MOV10L1: variants seen among roughly 807,000 people sequenced by gnomAD.
MOV10L1 encodes the protein Mov10 like RNA helicase 1.
MOV10L1 carries 110 observed loss-of-function variants against 143.8 expected under a neutral mutation model. The ratio of observed to expected loss-of-function variants is 0.76; its 90% CI spans 0.66 to 0.90. The LOEUF is 0.90. Ranked by LOEUF, MOV10L1 falls within the 40% of genes least tolerant of loss-of-function variation. The pLI, the probability that MOV10L1 is intolerant of heterozygous loss-of-function variation, is 0.00. For missense variants in MOV10L1, 1,406 were observed against 1,526.8 expected, an observed-to-expected ratio of 0.92 and a Z score of 1.32; for synonymous variants, 593 against 581.1, an observed-to-expected ratio of 1.02 and a Z score of -0.29.
At chr22:50,122,573 C>G (rs1462020720) in intron 10 of MOV10L1, among the ~76,000 whole-genome samples, 1 of 152,130 alleles carries the variant, frequency 6.6e-6, no homozygotes, top group African/African-American at 2.4e-5. Context: ...GCTAGAACTT[C>G]TAGTACCATG....
At chr22:50,126,449 C>G (rs987095357) in intron 12 of MOV10L1, among the ~76,000 whole-genome samples, 177 bp downstream of exon 12, 7 of 152,158 alleles carry the variant, frequency 4.6e-5, no homozygotes, top group African/African-American at 1.7e-4. Flanking sequence ...AAACTTAATA[C>G]TATAATTTTC....
intron 15 of MOV10L1, among the ~76,000 whole-genome samples, chr22:50,137,012 A>G (rs1289918286): frequency 6.6e-6 from 1 of 152,248 alleles, no homozygotes; most frequent in Admixed American, 6.5e-5. Flanking sequence ...AAAGTATGAT[A>G]GCCTCAAAAG....
At chr22:50,114,680 TGTGA>T (rs2062120016) in intron 7 of MOV10L1, 58 bp downstream of exon 7, 97 of 1,594,940 alleles carry the variant, frequency 6.1e-5, no homozygotes, top group Non-Finnish European at 8.1e-5. Context: ...GCCGTGGGGT[TGTGA>T]GTTCTGGACA....
intron 3 of MOV10L1, 57 bp from the exon 4 acceptor site, chr22:50,108,079 C>T: frequency 6.8e-7 from 1 of 1,479,982 alleles, no homozygotes; most frequent in East Asian, 2.3e-5. Flanking sequence ...TGCACCATGA[C>T]CTCAGAATAA....
At chr22:50,106,748 C>G (rs2147094590) in intron 3 of MOV10L1, among the ~76,000 whole-genome samples, 1 of 141,428 alleles carries the variant, frequency 7.1e-6, no homozygotes, top group East Asian at 2.1e-4. Context: ...GTTGCCTAGG[C>G]TGGAGTGCAG....
intron 5 of MOV10L1, among the ~76,000 whole-genome samples, chr22:50,111,422 A>T (rs772658358): frequency 6.7e-6 from 1 of 148,690 alleles, no homozygotes; most frequent in African/African-American, 2.5e-5. Context: ...AGCTTCTTTC[A>T]TGACAGCTTC....
chr22:50,144,639 T>G (rs867460078), intron 18 of MOV10L1, among the ~76,000 whole-genome samples: 1 of 152,040 alleles, frequency 6.6e-6, no homozygotes, highest in Admixed American at 6.5e-5. Flanking sequence ...TGAAGTGCAG[T>G]GGCATGATCT....
intron 15 of MOV10L1, among the ~76,000 whole-genome samples, chr22:50,139,485 G>A (rs1017444829): frequency 6.6e-6 from 1 of 151,804 alleles, no homozygotes; most frequent in African/African-American, 2.4e-5. Context: ...ACTGAGGCTG[G>A]AGGATCTCTT....
At chr22:50,153,603 T>G (rs1223256533) in intron 22 of MOV10L1, among the ~76,000 whole-genome samples, 1 of 151,986 alleles carries the variant, frequency 6.6e-6, no homozygotes, top group African/African-American at 2.4e-5. Flanking sequence ...TCCCGGTGCT[T>G]CCCTCGAGGG....
At chr22:50,121,513 G>T (rs1009996856) in intron 10 of MOV10L1, among the ~76,000 whole-genome samples, 1 of 152,182 alleles carries the variant, frequency 6.6e-6, no homozygotes, top group African/African-American at 2.4e-5. Context: ...GCAGTGCTGG[G>T]TTCTTAGGAT....
At chr22:50,110,080 C>T (rs921645314) in intron 5 of MOV10L1, among the ~76,000 whole-genome samples, 1 of 151,678 alleles carries the variant, frequency 6.6e-6, no homozygotes, top group African/African-American at 2.4e-5. Flanking sequence ...ACCCAAGAGG[C>T]AGAGGTTGCA....
chr22:50,104,449 G>C (rs1448291014), intron 3 of MOV10L1, among the ~76,000 whole-genome samples: 7 of 152,214 alleles, frequency 4.6e-5, no homozygotes, highest in Admixed American at 4.6e-4. Flanking sequence ...GGAGGCGTCT[G>C]TCCTTCCCAT....
intron 5 of MOV10L1, among the ~76,000 whole-genome samples, chr22:50,110,303 G>A (rs1467338039): frequency 2.0e-5 from 3 of 151,280 alleles, no homozygotes; most frequent in African/African-American, 7.3e-5. Context: ...CAAAAAATTA[G>A]CCAGGCGTGG....
At chr22:50,120,139 G>A (rs901249965) in intron 9 of MOV10L1, among the ~76,000 whole-genome samples, 3 of 152,156 alleles carry the variant, frequency 2.0e-5, no homozygotes, top group Non-Finnish European at 4.4e-5. Flanking sequence ...AGGCCCAGGT[G>A]GAGTCCTGAT....
chr22:50,127,049 C>T (rs1248350810), intron 12 of MOV10L1, among the ~76,000 whole-genome samples: 1 of 152,142 alleles, frequency 6.6e-6, no homozygotes, highest in Non-Finnish European at 1.5e-5. Flanking sequence ...ATTAGGCCAT[C>T]GCCTGTGGAC....
In MOV10L1 at chr22:50,114,394, A is replaced by G. The variant is rs750348685; in HGVS notation, c.898A>G (p.Ile300Val). The change falls in exon 7 of 27, where the codon ATT (isoleucine) becomes GTT (valine). Residue 300 changes from isoleucine (I) to valine (V), a missense_variant. Ile to Val is a conservative substitution (Grantham distance 29). Coordinates refer to ENST00000262794, the MANE Select transcript of MOV10L1 (RefSeq NM_018995.3). ...GTATTTTTCCAGGAATAAAGGAGAC[A>G]TTCCTCAAAACTTAGTCAGCTGTAA... ...MVIWIENKGD[I>V]PQNLVSCKLA... The G allele has an allele frequency of 3.1e-6, 5 of 1,613,956 alleles. No homozygotes were observed. Among genetic ancestry groups the G allele is most frequent in the Non-Finnish European group, 4.2e-6 (5 of 1,179,880 alleles).
Position 50,153,201 on chromosome 22 carries a change from A to T in MOV10L1, c.3049A>T (p.Ile1017Phe), listed in dbSNP as rs991310159. ...GTTGCCTAAGAAAGGCTTCCCTCTC[A>T]TCTTCCATGGTGTGCGGGTGAGTTG... is the stretch of plus-strand genomic sequence containing the variant. The part of the protein sequence containing the change: ...EKLPKKGFPL[I>F]FHGVRGSEAR... Residue 1017 changes from isoleucine (I) to phenylalanine (F), a missense_variant, in exon 22 of 27, where the codon ATC (isoleucine) becomes TTC (phenylalanine). By Grantham distance (21) the Ile-to-Phe change is conservative. Around this residue, in one of 3 missense-constraint regions of MOV10L1, gnomAD observed 1,233 missense variants for 1,351.4 expected, o/e 0.91. Coordinates refer to ENST00000262794, the MANE Select transcript of MOV10L1 (RefSeq NM_018995.3). 1.5e-5 allele frequency: 25 copies of T among 1,613,790 alleles called. No individual in the cohort carries two copies. The highest frequency in any genetic ancestry group is 2.1e-5 in the Non-Finnish European group (25 of 1,179,732).
chr22:50,135,123 C>T, intron 15 of MOV10L1, among the ~76,000 whole-genome samples: 1 of 151,906 alleles, frequency 6.6e-6, no homozygotes, highest in South Asian at 2.1e-4. Flanking sequence ...AAGTGATTCT[C>T]CTGTCTCAGT....
At position 50,145,816 on chromosome 22, in the gene MOV10L1, C is replaced by T; in HGVS notation, c.2627+6C>T. The T allele has an allele frequency of 6.2e-7, 1 of 1,613,416 alleles. No individual in the cohort carries two copies. The highest frequency in any genetic ancestry group is 8.5e-7 in the Non-Finnish European group (1 of 1,179,876). On this transcript the variant is annotated splice_donor_region_variant and intron_variant, in intron 19 of 26. Coordinates refer to ENST00000262794, the MANE Select transcript of MOV10L1 (RefSeq NM_018995.3). The stretch of plus-strand genomic sequence containing the variant: ...TTTTACCAAATAGGAGTGAGGTGAG[C>T]CCCGGGCATGGAGCGCGGCATGGGG...
Sources: allele counts gnomAD v4.1 joint callset (sites outside exome capture counted in the v4.1 genomes callset), GRCh38; gene constraint gnomAD v4.1.1; regional missense constraint gnomAD v4.1.1; transcripts MANE v1.5; gene names NCBI Gene and HGNC (gene_info 2026-07-23, HGNC 2026-07-21).